CCBE1: variants seen among roughly 807,000 people sequenced by gnomAD.
The protein encoded by CCBE1 is collagen and calcium binding EGF domains 1.
In CCBE1, 37 loss-of-function variants were observed where a neutral mutation model predicts 50.0. The ratio of observed to expected loss-of-function variants is 0.74; its 90% CI spans 0.57 to 0.97. CCBE1 has a LOEUF of 0.97. Among genes scored for constraint, CCBE1 ranks in the 50% least tolerant of loss-of-function variants. The pLI, the probability that CCBE1 is intolerant of heterozygous loss-of-function variation, is 0.00. For synonymous variants in CCBE1, 234 were observed against 203.7 expected, an observed-to-expected ratio of 1.15 and a Z score of -1.27; for missense variants, 538 against 523.8, an observed-to-expected ratio of 1.03 and a Z score of -0.26.
intron 2 of CCBE1, among the ~76,000 whole-genome samples, chr18:59,496,483 G>A (rs1476856483): frequency 6.6e-6 from 1 of 152,156 alleles, no homozygotes; most frequent in Non-Finnish European, 1.5e-5. Flanking sequence ...GTATTACAGG[G>A]TATAGAAGGA....
chr18:59,535,560 A>C (rs574972347), intron 2 of CCBE1, among the ~76,000 whole-genome samples: 1 of 152,332 alleles, frequency 6.6e-6, no homozygotes, highest in South Asian at 2.1e-4. Flanking sequence ...AGGGGATGGG[A>C]AAACTGAGAA....
At chr18:59,553,165 A>C (rs1380133133) in intron 2 of CCBE1, among the ~76,000 whole-genome samples, 1 of 152,230 alleles carries the variant, frequency 6.6e-6, no homozygotes, top group Non-Finnish European at 1.5e-5. Flanking sequence ...TTAATGTGAC[A>C]TAATTTTAAG....
intron 2 of CCBE1, among the ~76,000 whole-genome samples, chr18:59,635,452 A>C (rs928729802): frequency 8.2e-6 from 1 of 121,414 alleles, no homozygotes; most frequent in Non-Finnish European, 1.8e-5. Context: ...AACAATGTGG[A>C]GAAATTTTTT....
intron 7 of CCBE1, among the ~76,000 whole-genome samples, chr18:59,442,263 T>G (rs1332832224): frequency 6.6e-6 from 1 of 152,208 alleles, no homozygotes; most frequent in East Asian, 1.9e-4. Flanking sequence ...CTCGGTATAG[T>G]CTCAGTGCTG....
At chr18:59,655,262 G>C (rs988743874) in intron 2 of CCBE1, among the ~76,000 whole-genome samples, 7 of 152,190 alleles carry the variant, frequency 4.6e-5, no homozygotes, top group African/African-American at 1.7e-4. Flanking sequence ...GTTTGTGACT[G>C]TAACATTAAC....
chr18:59,573,496 C>T (rs1286492749), intron 2 of CCBE1, among the ~76,000 whole-genome samples: 3 of 151,522 alleles, frequency 2.0e-5, no homozygotes, highest in African/African-American at 7.3e-5. Flanking sequence ...GAAGCACCAC[C>T]AATTGTGTGA....
chr18:59,650,352 G>T (rs992796909), intron 2 of CCBE1, among the ~76,000 whole-genome samples: 1 of 150,394 alleles, frequency 6.6e-6, no homozygotes, highest in Non-Finnish European at 1.5e-5. Flanking sequence ...AGCAGAAGAG[G>T]CTCCAGACCT....
intron 2 of CCBE1, among the ~76,000 whole-genome samples, chr18:59,675,638 C>A (rs538945212): frequency 3.5e-5 from 5 of 141,280 alleles, no homozygotes; most frequent in African/African-American, 1.6e-4. Flanking sequence ...TAAAGGAAAA[C>A]CCCCACAACA....
At chr18:59,666,413 C>T (rs1024222656) in intron 2 of CCBE1, among the ~76,000 whole-genome samples, 10 of 152,092 alleles carry the variant, frequency 6.6e-5, no homozygotes, top group Admixed American at 3.3e-4. Context: ...AATGGCTTGT[C>T]GGTGAAAGTT....
At chr18:59,643,689 C>T (rs889278352) in intron 2 of CCBE1, among the ~76,000 whole-genome samples, 4 of 152,042 alleles carry the variant, frequency 2.6e-5, no homozygotes, top group African/African-American at 7.3e-5. Flanking sequence ...AGTGTGGGGG[C>T]GCACACCTGT....
At chr18:59,560,163 A>G (rs1444385070) in intron 2 of CCBE1, among the ~76,000 whole-genome samples, 1 of 152,236 alleles carries the variant, frequency 6.6e-6, no homozygotes, top group Non-Finnish European at 1.5e-5. Flanking sequence ...CAAGCCCTAC[A>G]GGTAGTTAGC....
At chr18:59,578,895 C>T (rs2053041756) in intron 2 of CCBE1, among the ~76,000 whole-genome samples, 1 of 152,108 alleles carries the variant, frequency 6.6e-6, no homozygotes, top group South Asian at 2.1e-4. Flanking sequence ...ACGAGTTTAC[C>T]TATGTAACGA....
rs183566872 is a variant in CCBE1 at position 59,495,177 on chromosome 18, C to T, written c.213-14939G>A. Among the ~76,000 whole-genome samples the T allele has an allele frequency of 1.9e-3, 288 of 151,924 alleles. 2 individuals are homozygous for T. Among genetic ancestry groups the T allele is most frequent in the African/African-American group, 6.7e-3 (278 of 41,426 alleles). On this transcript the variant is annotated intron_variant, in intron 2 of 10. Transcript: ENST00000439986. Reference sequence around the variant, plus strand: ...TTCTAGCTCATGTTTCTTTTTTTCCCCTGAGGATGGAGGTGTACTTTTTTT... The same window carrying T: ...TTCTAGCTCATGTTTCTTTTTTTCCTCTGAGGATGGAGGTGTACTTTTTTT...
chr18:59,573,199 C>T (rs889720882), intron 2 of CCBE1, among the ~76,000 whole-genome samples: 1 of 150,056 alleles, frequency 6.7e-6, no homozygotes, highest in East Asian at 2.0e-4. Context: ...GCACCAGAAT[C>T]GCTTGAACCT....
At chr18:59,439,277 ACT>A (rs1429604358) in intron 9 of CCBE1, among the ~76,000 whole-genome samples, 4 of 151,660 alleles carry the variant, frequency 2.6e-5, no homozygotes, top group Non-Finnish European at 5.9e-5. Flanking sequence ...ACAGAGTGAG[ACT>A]CTGTCTCAAA....
intron 2 of CCBE1, among the ~76,000 whole-genome samples, chr18:59,557,540 G>C (rs1434661383): frequency 6.6e-6 from 1 of 152,150 alleles, no homozygotes; most frequent in African/African-American, 2.4e-5. Flanking sequence ...TTGCAGATGA[G>C]AAATACGAAG....
chr18:59,491,207 C>A (rs1038042493), intron 2 of CCBE1, among the ~76,000 whole-genome samples: 6 of 152,162 alleles, frequency 3.9e-5, no homozygotes, highest in African/African-American at 1.4e-4. Context: ...ACCAATATAA[C>A]AAAAATTGTT....
intron 2 of CCBE1, among the ~76,000 whole-genome samples, chr18:59,486,957 G>A (rs1912852712): frequency 6.6e-6 from 1 of 151,564 alleles, no homozygotes; most frequent in Admixed American, 6.6e-5. Flanking sequence ...GCATATCCAA[G>A]AAACTCCAGA....
At chr18:59,572,707 C>A (rs573104946) in intron 2 of CCBE1, among the ~76,000 whole-genome samples, 1 of 152,170 alleles carries the variant, frequency 6.6e-6, no homozygotes, top group Non-Finnish European at 1.5e-5. Flanking sequence ...CAGGGACAGT[C>A]TTCAGAGGGC....
Sources: allele counts gnomAD v4.1 joint callset (sites outside exome capture counted in the v4.1 genomes callset), GRCh38; gene constraint gnomAD v4.1.1; transcripts MANE v1.5; gene names NCBI Gene and HGNC (gene_info 2026-07-23, HGNC 2026-07-21).